Variants in CYFIP2 observed in about 807,000 individuals in gnomAD.
The protein encoded by CYFIP2 is cytoplasmic FMR1-interacting protein 2.
A neutral mutation model predicts 158.7 loss-of-function variants in CYFIP2; 29 were observed. That is an observed-to-expected ratio of 0.18 (90% confidence interval 0.14 to 0.25). The LOEUF (loss-of-function observed/expected upper bound fraction) is 0.25. Among genes scored for constraint, CYFIP2 ranks in the 10% least tolerant of loss-of-function variants. CYFIP2 has a pLI of 1.00. For synonymous variants in CYFIP2, 585 were observed against 617.6 expected, an observed-to-expected ratio of 0.95 and a Z score of 0.78; for missense variants, 852 against 1,639.5, an observed-to-expected ratio of 0.52 and a Z score of 8.29.
chr5:157,314,262 A>AGT, intron 11 of CYFIP2, 82 bp from the exon 12 acceptor site: 1 of 1,527,044 alleles, frequency 6.5e-7, no homozygotes, highest in Non-Finnish European at 8.9e-7. Context: ...ACTTCCCTGC[A>AGT]GTGTTCTTGG....
At chr5:157,381,852 G>A (rs1261253751) in intron 26 of CYFIP2, among the ~76,000 whole-genome samples, 3 of 150,564 alleles carry the variant, frequency 2.0e-5, no homozygotes, top group African/African-American at 7.3e-5. Context: ...TAATCCAAAT[G>A]CCCATAGTTG....
At chr5:157,370,242 G>A (rs1764871014) in intron 26 of CYFIP2, among the ~76,000 whole-genome samples, 1 of 152,150 alleles carries the variant, frequency 6.6e-6, no homozygotes, top group African/African-American at 2.4e-5. Flanking sequence ...GAGGATCTCT[G>A]ATCTAGAAGC....
intron 30 of CYFIP2, 134 bp from the exon 31 acceptor site, chr5:157,392,699 C>G (rs1038007846): frequency 3.0e-6 from 3 of 988,034 alleles, no homozygotes; most frequent in Non-Finnish European, 4.5e-6. Flanking sequence ...CCAGGGGATT[C>G]CATAAAAGGA....
chr5:157,281,172 T>A (rs1206943229), intron 1 of CYFIP2, among the ~76,000 whole-genome samples: 3 of 152,202 alleles, frequency 2.0e-5, no homozygotes, highest in African/African-American at 7.2e-5. Context: ...ATATTTCCTG[T>A]GAGTTGGCGT....
chr5:157,320,883 G>C, intron 15 of CYFIP2, 81 bp downstream of exon 15: 1 of 1,430,296 alleles, frequency 7.0e-7, no homozygotes, highest in Non-Finnish European at 9.2e-7. Context: ...CTGGCCATGG[G>C]CAGTGGGACT....
chr5:157,369,944 T>C (rs520844), intron 26 of CYFIP2, among the ~76,000 whole-genome samples: 96,273 of 148,806 alleles, frequency 0.65, 32,156 homozygotes, highest in Middle Eastern at 0.74. Context: ...TGCAGTGGCG[T>C]GATCTCGGCT....
rs575658193 is a variant in CYFIP2 at position 157,311,883 on chromosome 5, G to A, written c.1110+102G>A. The stretch of plus-strand genomic sequence containing the variant: ...TGGACCCACGGAACACTGGAGAGTA[G>A]AAGGGAGGGAGGCAGGAGGGTAAAG... On this transcript the variant is annotated intron_variant, in intron 11 of 30. Transcript: ENST00000620254. This position sits in a 1 kb window ranked among gnomAD's most constrained non-coding sequence, Gnocchi z 4.7. The A allele has an allele frequency of 9.0e-7, 1 of 1,107,754 alleles. No homozygotes were observed. The highest frequency in any genetic ancestry group is 1.6e-5 in the African/African-American group (1 of 64,178). The allele number at this position is 1,107,754 out of a possible 1,614,324, so 68.6% of individuals were successfully genotyped here. A position where few individuals can be genotyped will look rare whatever the true frequency, so the allele number is the denominator to read the frequency against.
intron 18 of CYFIP2, among the ~76,000 whole-genome samples, chr5:157,326,854 C>T (rs1458656833): frequency 3.3e-5 from 5 of 152,182 alleles, no homozygotes; most frequent in Admixed American, 2.0e-4. Context: ...CTAAACACAG[C>T]GCTGGGGTTT....
intron 15 of CYFIP2, chr5:157,322,945 T>G: frequency 6.5e-7 from 1 of 1,535,998 alleles, no homozygotes; most frequent in Non-Finnish European, 8.7e-7. Flanking sequence ...GTCTTAGGCC[T>G]GCCAGTGGTC....
chr5:157,352,682 T>C (rs1477140702), intron 23 of CYFIP2, among the ~76,000 whole-genome samples: 1 of 152,176 alleles, frequency 6.6e-6, no homozygotes, highest in Non-Finnish European at 1.5e-5. Context: ...CCTTACCTGG[T>C]TTAGAAGGCT....
rs1250286910 is a variant in CYFIP2 at position 157,266,494 on chromosome 5, C to A, written c.-24+299C>A. 6.6e-6 allele frequency: 1 copy of A among 152,194 alleles called. No individual in the cohort carries two copies. Among genetic ancestry groups the A allele is most frequent in the Non-Finnish European group, 1.5e-5 (1 of 68,046 alleles). The allele number at this position is 152,194 out of a possible 1,614,324, so 9.4% of individuals were successfully genotyped here. A position where few individuals can be genotyped will look rare whatever the true frequency, so the allele number is the denominator to read the frequency against. Reference sequence around the variant, plus strand: ...GCAGGTGCGCGGCCTGGGCCGGAGCCGCCAGCCCGGGAGGAGGCGGTGCTA... The same window carrying A: ...GCAGGTGCGCGGCCTGGGCCGGAGCAGCCAGCCCGGGAGGAGGCGGTGCTA... On this transcript the variant is annotated intron_variant, in intron 1 of 30. Coordinates refer to ENST00000620254, the MANE Select transcript of CYFIP2 (RefSeq NM_001037333.3). This position sits in a 1 kb window ranked among gnomAD's most constrained non-coding sequence, Gnocchi z 4.2.
intron 30 of CYFIP2, among the ~76,000 whole-genome samples, chr5:157,391,942 TTAA>T (rs767401032): frequency 6.6e-6 from 1 of 152,202 alleles, no homozygotes; most frequent in African/African-American, 2.4e-5. Flanking sequence ...CACTTATTCT[TTAA>T]TAATAGTCAT....
In CYFIP2 at chr5:157,392,828, T is replaced by C; in HGVS notation, c.3595-5T>C. On this transcript the variant is annotated splice_region_variant and splice_polypyrimidine_tract_variant and intron_variant, in intron 30 of 30. Transcript: ENST00000620254. ...CCTAACTTGAACATCCCCTTCCTTCTGTAGCCCCTGAAGAAGATGGCCGAC... is the reference window on the plus strand; with the variant it reads ...CCTAACTTGAACATCCCCTTCCTTCCGTAGCCCCTGAAGAAGATGGCCGAC... The C allele has an allele frequency of 6.2e-7, 1 of 1,613,684 alleles. No individual in the cohort carries two copies.
At chr5:157,362,832 C>A (rs765073348) in intron 26 of CYFIP2, 1 of 152,222 alleles carries the variant, frequency 6.6e-6, no homozygotes, top group African/African-American at 2.4e-5. Flanking sequence ...GGGAGATGGC[C>A]TGGAGAATGA....
At chr5:157,273,960 CCCTGT>C (rs1756325549) in intron 1 of CYFIP2, among the ~76,000 whole-genome samples, 1 of 151,890 alleles carries the variant, frequency 6.6e-6, no homozygotes, top group South Asian at 2.1e-4. Context: ...CATGGCAAAA[CCCTGT>C]CTCTACTGAA....
intron 8 of CYFIP2, among the ~76,000 whole-genome samples, chr5:157,306,091 GA>G (rs1759196720): frequency 6.6e-6 from 1 of 152,104 alleles, no homozygotes; most frequent in Non-Finnish European, 1.5e-5. Context: ...AGCCCCTTTT[GA>G]TTCTGTCCCA....
chr5:157,300,920 C>T (rs370788970), intron 6 of CYFIP2, 24 bp downstream of exon 6: 2 of 1,523,928 alleles, frequency 1.3e-6, no homozygotes, highest in African/African-American at 2.8e-5. Context: ...CCCCCTCTCC[C>T]CTTTCCCCAT....
At chr5:157,336,547 G>A (rs1761870757) in intron 21 of CYFIP2, among the ~76,000 whole-genome samples, 1 of 152,210 alleles carries the variant, frequency 6.6e-6, no homozygotes, top group African/African-American at 2.4e-5. Flanking sequence ...AGGCCTCACT[G>A]TACTGAGTTT....
At chr5:157,320,159 T>C (rs1760474519) in intron 14 of CYFIP2, among the ~76,000 whole-genome samples, 2 of 152,182 alleles carry the variant, frequency 1.3e-5, no homozygotes, top group African/African-American at 4.8e-5. Context: ...TCTCCAAACC[T>C]CAGTTTTCCT....
Sources: gnomAD v4.1 joint callset for allele counts (sites outside exome capture counted in the v4.1 genomes callset) on GRCh38, gnomAD v4.1.1 for gene constraint, Gnocchi (gnomAD v3.1) non-coding constraint, MANE v1.5 for transcripts, NCBI Gene and HGNC (gene_info 2026-07-23, HGNC 2026-07-21) for gene names.